SAP130: variants seen among roughly 807,000 people sequenced by gnomAD.
The protein encoded by SAP130 is histone deacetylase complex subunit SAP130.
SAP130 carries 16 observed loss-of-function variants against 103.2 expected under a neutral mutation model. The observed-to-expected ratio is 0.16, with a 90% CI of 0.10 to 0.24. The LOEUF is 0.24. Among genes scored for constraint, SAP130 ranks in the 10% least tolerant of loss-of-function variants. SAP130 has a pLI of 1.00. For synonymous variants in SAP130, 477 were observed against 497.0 expected, an observed-to-expected ratio of 0.96 and a Z score of 0.53; for missense variants, 990 against 1,359.7, an observed-to-expected ratio of 0.73 and a Z score of 4.28.
intron 14 of SAP130, among the ~76,000 whole-genome samples, chr2:127,981,540 G>C (rs1573730408): frequency 5.0e-5 from 1 of 19,966 alleles, no homozygotes; most frequent in Non-Finnish European, 8.7e-5. Flanking sequence ...CCCCCACCCC[G>C]ACTCAGTCCT....
chr2:128,027,471 T>C, intron 1 of SAP130: 1 of 951,512 alleles, frequency 1.1e-6, no homozygotes. Context: ...CCCTCGAGGC[T>C]GAGCCAATGG....
intron 18 of SAP130, among the ~76,000 whole-genome samples, chr2:127,947,754 TTGTGTGTGTCTG>T (rs1027131171): frequency 1.4e-4 from 4 of 28,638 alleles, no homozygotes; most frequent in African/African-American, 3.1e-4. Flanking sequence ...TAATTTTGTA[TTGTGTGTGTCTG>T]TGTGTGTGTG....
chr2:127,971,538 T>C (rs961061010), intron 15 of SAP130, among the ~76,000 whole-genome samples: 74 of 152,252 alleles, frequency 4.9e-4, no homozygotes, highest in Non-Finnish European at 5.1e-4. Flanking sequence ...CTACCCGCCT[T>C]GGCCTCCCAA....
chr2:128,001,280 C>T (rs1437367210), intron 7 of SAP130, among the ~76,000 whole-genome samples: 12 of 152,080 alleles, frequency 7.9e-5, no homozygotes, highest in Non-Finnish European at 4.4e-5. Flanking sequence ...CAGCTCACAC[C>T]AGTAATCCCA....
intron 15 of SAP130, among the ~76,000 whole-genome samples, chr2:127,963,828 T>C (rs1680445052): frequency 6.6e-6 from 1 of 152,230 alleles, no homozygotes; most frequent in Non-Finnish European, 1.5e-5. Flanking sequence ...TGCTCCTCCT[T>C]GCCTTCTGCC....
At chr2:127,945,942 C>T (rs367614954) in intron 18 of SAP130, among the ~76,000 whole-genome samples, 11 of 152,118 alleles carry the variant, frequency 7.2e-5, no homozygotes, top group Non-Finnish European at 1.2e-4. Context: ...CATGAGCTGC[C>T]GTACCTGGCC....
rs71935874 is a variant in SAP130 at position 128,004,361 on chromosome 2, CTTTTT to C, written c.870-3912_870-3908del. Among the ~76,000 whole-genome samples, 20 of 76,024 alleles carry C rather than the reference CTTTTT, an allele frequency of 2.6e-4. No homozygotes were observed. In the East Asian group the frequency reaches 6.6e-3, roughly 25 times the overall value. The allele number at this position is 76,024 out of a possible 152,430, so 49.9% of individuals were successfully genotyped here. ...AGTGAAAGGAGGATTGCTTTCTTTC[CTTTTT>C]TTTTTTTTTTTTTTTTTTTTTTAAA... On this transcript the variant is annotated intron_variant, in intron 7 of 20. Coordinates refer to ENST00000643581, the MANE Select transcript of SAP130 (RefSeq NM_001330301.2).
intron 11 of SAP130, among the ~76,000 whole-genome samples, chr2:127,994,465 G>A (rs1254554825): frequency 1.3e-5 from 2 of 152,196 alleles, no homozygotes; most frequent in African/African-American, 2.4e-5. Context: ...GGTGGCACAC[G>A]CCTATAATCC....
chr2:128,000,543 G>T (rs1683484074), intron 7 of SAP130, 89 bp from the exon 8 acceptor site: 2 of 1,460,326 alleles, frequency 1.4e-6, no homozygotes, highest in African/African-American at 1.4e-5. Flanking sequence ...CTTTTTCATA[G>T]GTCTATGAAG....
chr2:127,960,394 G>A (rs1014726147), intron 15 of SAP130, among the ~76,000 whole-genome samples: 1 of 152,102 alleles, frequency 6.6e-6, no homozygotes, highest in African/African-American at 2.4e-5. Context: ...TTCAAGGAGG[G>A]ATATGATCAA....
In SAP130 at chr2:128,026,104, T is replaced by G. The variant is rs559502046; in HGVS notation, c.112+77A>C. ...AGAATTTACTAAAATCCTAGAAGAATCTGCTAATTTTTAAGTTAGAAAACT... is the reference window on the plus strand; with the variant it reads ...AGAATTTACTAAAATCCTAGAAGAAGCTGCTAATTTTTAAGTTAGAAAACT... On this transcript the variant is annotated intron_variant, in intron 2 of 20. Transcript: ENST00000643581. The G allele has an allele frequency of 1.9e-5, 18 of 930,080 alleles. No individual in the cohort carries two copies. In the African/African-American group the frequency reaches 3.0e-4, roughly 16 times the overall value. 57.6% of individuals were successfully genotyped at this position (930,080 alleles called of 1,614,324 possible).
chr2:127,990,735 G>A (rs1281215977), intron 12 of SAP130, among the ~76,000 whole-genome samples: 1 of 152,094 alleles, frequency 6.6e-6, no homozygotes, highest in Non-Finnish European at 1.5e-5. Flanking sequence ...GAACCCAGGA[G>A]TTGGAGACCA....
intron 15 of SAP130, 73 bp downstream of exon 15, chr2:127,977,912 G>T: frequency 3.6e-6 from 4 of 1,113,398 alleles, no homozygotes; most frequent in South Asian, 1.3e-5. Context: ...TGTCATGCAG[G>T]AATATTAGAC....
intron 5 of SAP130, among the ~76,000 whole-genome samples, chr2:128,014,195 T>C (rs1024298889): frequency 2.6e-5 from 4 of 152,032 alleles, no homozygotes; most frequent in African/African-American, 4.8e-5. Context: ...AAAACATGGA[T>C]TGCTCTAAGT....
chr2:127,999,339 C>T (rs981120301), intron 10 of SAP130, among the ~76,000 whole-genome samples: 5 of 152,210 alleles, frequency 3.3e-5, no homozygotes, highest in South Asian at 2.1e-4. Flanking sequence ...CAGCTGAGTG[C>T]GGTGGCTCAT....
chr2:128,005,576 C>G (rs1321370148), intron 7 of SAP130, among the ~76,000 whole-genome samples: 1 of 151,588 alleles, frequency 6.6e-6, no homozygotes, highest in African/African-American at 2.4e-5. Context: ...GACCGCGCCA[C>G]TGAACTCCAG....
At chr2:127,998,142 AAT>A (rs1559082069) in intron 10 of SAP130, among the ~76,000 whole-genome samples, 2 of 151,978 alleles carry the variant, frequency 1.3e-5, no homozygotes, top group African/African-American at 4.8e-5. Flanking sequence ...ATACATTCTC[AAT>A]AGTTAAATAA....
chr2:127,970,456 A>G (rs1680999188), intron 15 of SAP130, among the ~76,000 whole-genome samples: 1 of 145,422 alleles, frequency 6.9e-6, no homozygotes, highest in Admixed American at 7.1e-5. Context: ...CAGGAGAATA[A>G]CTTGAACCAG....
rs367707942 is a variant in SAP130, at chr2:127,944,077, G to A, written c.2901+1379C>T. Among the ~76,000 whole-genome samples the A allele has an allele frequency of 3.2e-4, 48 of 152,182 alleles. No individual in the cohort carries two copies. In the South Asian group the frequency reaches 5.8e-3, roughly 18 times the overall value. ...GAGAGTGTCTTACTCTGTTATCCAGGATGGAGTGCAGTGGTGCGATCATGG... is the reference window on the plus strand; with the variant it reads ...GAGAGTGTCTTACTCTGTTATCCAGAATGGAGTGCAGTGGTGCGATCATGG... On this transcript the variant is annotated intron_variant, in intron 19 of 20. Coordinates refer to ENST00000643581, the MANE Select transcript of SAP130 (RefSeq NM_001330301.2).
Sources: allele counts gnomAD v4.1 joint callset (sites outside exome capture counted in the v4.1 genomes callset), GRCh38; gene constraint gnomAD v4.1.1; transcripts MANE v1.5; gene names NCBI Gene and HGNC (gene_info 2026-07-23, HGNC 2026-07-21).